The following CYP2C18 variants were observed in gnomAD, a reference collection of about 807,000 sequenced individuals.
The protein encoded by CYP2C18 is cytochrome P450 family 2 subfamily C member 18, also known as cytochrome P450 2C18.
A neutral mutation model predicts 41.3 loss-of-function variants in CYP2C18; 38 were observed. The observed-to-expected ratio is 0.92, with a 90% confidence interval of 0.71 to 1.21. CYP2C18 has a LOEUF of 1.21. CYP2C18 is among the 50% of genes most tolerant of loss of function. CYP2C18 has a pLI of 0.00. For synonymous variants in CYP2C18, 236 were observed against 210.0 expected (o/e 1.12, Z -1.07); for missense variants, 635 against 591.4 (o/e 1.07, Z -0.77).
intron 7 of CYP2C18, chr10:94,728,791 G>A (rs757328861): frequency 1.3e-4 from 21 of 158,826 alleles, no homozygotes; most frequent in Admixed American, 2.6e-4. Flanking sequence ...CATGTACACA[G>A]GGAAAAGAGC....
At chr10:94,689,495 C>G (rs1352240984) in intron 3 of CYP2C18, among the ~76,000 whole-genome samples, 1 of 152,142 alleles carries the variant, frequency 6.6e-6, no homozygotes, top group Non-Finnish European at 1.5e-5. Context: ...GCACACTCTC[C>G]AGAGCCAGAG....
At chr10:94,729,308 G>A (rs528252151) in intron 7 of CYP2C18, among the ~76,000 whole-genome samples, 10 of 152,056 alleles carry the variant, frequency 6.6e-5, no homozygotes, top group Non-Finnish European at 1.3e-4. Context: ...AGAAACAGAT[G>A]ACTTTTTAAA....
intron 5 of CYP2C18, among the ~76,000 whole-genome samples, chr10:94,714,417 C>T (rs536331420): frequency 2.6e-5 from 4 of 152,260 alleles, no homozygotes; most frequent in African/African-American, 9.6e-5. Flanking sequence ...TTTCCCAGTA[C>T]CATTTATTAA....
chr10:94,732,528 T>A (rs1847851243), intron 7 of CYP2C18, among the ~76,000 whole-genome samples: 1 of 152,082 alleles, frequency 6.6e-6, no homozygotes, highest in Non-Finnish European at 1.5e-5. Context: ...ACTTGTATAT[T>A]CATTACAACA....
At chr10:94,692,531 G>T (rs1373552491) in intron 3 of CYP2C18, among the ~76,000 whole-genome samples, 1 of 152,170 alleles carries the variant, frequency 6.6e-6, no homozygotes, top group Non-Finnish European at 1.5e-5. Flanking sequence ...ACAGGTGCTG[G>T]AGAGGATGTG....
At chr10:94,724,884 A>G (rs114038779) in intron 7 of CYP2C18, among the ~76,000 whole-genome samples, 192 of 152,030 alleles carry the variant, frequency 1.3e-3, no homozygotes, top group African/African-American at 4.5e-3. Context: ...CTTTAGATCA[A>G]TTTAGAAATA....
In CYP2C18 at chr10:94,735,338, T is replaced by G. The variant is rs770705767; in HGVS notation, c.1367T>G (p.Phe456Cys). Residue 456 changes from phenylalanine to cysteine, a missense_variant, in exon 9 of 9, where the codon TTT becomes TGT. Phe to Cys is a radical substitution (Grantham distance 205). Coordinates refer to ENST00000285979, the MANE Select transcript of CYP2C18 (RefSeq NM_000772.3). ...TTCCTGACCACCATTTTGCAGAACT[T>G]TAACCTGAAATCTCAGGTTGACCCA... ...FLFLTTILQN[F>C]NLKSQVDPKD... is the part of the protein sequence containing the mutation. The G allele has an allele frequency of 2.5e-6, 4 of 1,613,632 alleles. No homozygotes were observed. Among genetic ancestry groups the G allele is most frequent in the South Asian group, 2.2e-5 (2 of 91,082 alleles).
At chr10:94,730,339 A>T (rs1847806637) in intron 7 of CYP2C18, among the ~76,000 whole-genome samples, 1 of 152,204 alleles carries the variant, frequency 6.6e-6, no homozygotes, top group African/African-American at 2.4e-5. Flanking sequence ...TCAGTGTAAC[A>T]GAACATTACC....
chr10:94,707,459 A>G (rs1445509462), intron 5 of CYP2C18, among the ~76,000 whole-genome samples: 1 of 152,172 alleles, frequency 6.6e-6, no homozygotes, highest in Non-Finnish European at 1.5e-5. Context: ...CCTTAACTGA[A>G]TGGAACCAAA....
chr10:94,731,543 C>T (rs985661518), intron 7 of CYP2C18, among the ~76,000 whole-genome samples: 21 of 152,098 alleles, frequency 1.4e-4, no homozygotes, highest in African/African-American at 3.4e-4. Context: ...AAGCTGGAGT[C>T]GTCACGCTAC....
intron 6 of CYP2C18, among the ~76,000 whole-genome samples, chr10:94,720,861 A>T (rs1218355371): frequency 2.0e-5 from 3 of 152,184 alleles, no homozygotes; most frequent in Non-Finnish European, 4.4e-5. Flanking sequence ...GAATTGGCCT[A>T]GGATTGTATG....
At chr10:94,711,209 A>G (rs1159099889) in intron 5 of CYP2C18, among the ~76,000 whole-genome samples, 1 of 151,968 alleles carries the variant, frequency 6.6e-6, no homozygotes, top group East Asian at 1.9e-4. Flanking sequence ...TGTCTCTTCA[A>G]TTTCTATATT....
chr10:94,725,732 C>T (rs548871550), intron 7 of CYP2C18, among the ~76,000 whole-genome samples: 3 of 151,824 alleles, frequency 2.0e-5, no homozygotes, highest in Non-Finnish European at 4.4e-5. Flanking sequence ...ATATTTTGTC[C>T]TGTCTATAGA....
In CYP2C18 at chr10:94,683,945, C is replaced by T; in HGVS notation, c.126C>T (p.Ile42=). The change falls in exon 1 of 9, where the codon ATC becomes ATT. Residue 42 remains isoleucine (I), a synonymous_variant. Transcript: ENST00000285979. ...CTCCTCTCCCGATTATTGGAAATAT[C>T]CTGCAGTTAGATGTTAAGGACATGA... The part of the protein sequence containing the change: ...GPTPLPIIGN[I]LQLDVKDMSK... The T allele has an allele frequency of 6.2e-7, 1 of 1,610,200 alleles. No individual in the cohort carries two copies. The highest frequency in any genetic ancestry group is 1.7e-5 in the Admixed American group (1 of 59,398).
intron 6 of CYP2C18, among the ~76,000 whole-genome samples, chr10:94,721,204 G>A (rs1315598418): frequency 5.3e-5 from 8 of 151,768 alleles, no homozygotes; most frequent in South Asian, 4.2e-4. Context: ...TAGTAGAGAC[G>A]GGGTTTCACC....
intron 8 of CYP2C18, among the ~76,000 whole-genome samples, chr10:94,734,974 G>T (rs561882535): frequency 6.6e-6 from 1 of 152,286 alleles, no homozygotes; most frequent in African/African-American, 2.4e-5. Context: ...ATGGAAACTT[G>T]TAGTGTCAAA....
At chr10:94,706,342 G>A (rs1286753950) in intron 4 of CYP2C18, among the ~76,000 whole-genome samples, 1 of 152,104 alleles carries the variant, frequency 6.6e-6, no homozygotes, top group Non-Finnish European at 1.5e-5. Flanking sequence ...AGTTATAAAA[G>A]AGTGATTCTA....
chr10:94,735,403 C>G lies in CYP2C18; in HGVS notation c.1432C>G (p.Arg478Gly). The G allele has an allele frequency of 6.2e-7, 1 of 1,613,656 alleles. No homozygotes were observed. The highest frequency in any genetic ancestry group is 8.5e-7 in the Non-Finnish European group (1 of 1,179,684). ...CACCCCCATTGCCAATGCATTTGGT[C>G]GTGTGCCACCCTTGTACCAGCTCTG... ...DITPIANAFG[R>G]VPPLYQLCFI... Residue 478 changes from arginine to glycine, a missense_variant, in exon 9 of 9, where the codon CGT (arginine) becomes GGT (glycine). Coordinates refer to ENST00000285979, the MANE Select transcript of CYP2C18 (RefSeq NM_000772.3).
intron 5 of CYP2C18, among the ~76,000 whole-genome samples, chr10:94,716,630 T>C (rs1564645851): frequency 6.6e-6 from 1 of 152,176 alleles, no homozygotes; most frequent in Non-Finnish European, 1.5e-5. Context: ...ATACGTGCGA[T>C]ATGGTGCTGA....
Sources: gnomAD v4.1 joint callset for allele counts (sites outside exome capture counted in the v4.1 genomes callset) on GRCh38, gnomAD v4.1.1 for gene constraint, MANE v1.5 for transcripts, NCBI Gene and HGNC (gene_info 2026-07-23, HGNC 2026-07-21) for gene names.